The following CACNA2D3 variants were observed in gnomAD, a reference collection of about 807,000 sequenced individuals.
The protein encoded by CACNA2D3 is calcium voltage-gated channel auxiliary subunit alpha2delta 3.
Under a neutral mutation model 160.6 loss-of-function variants are expected in CACNA2D3, and 60 were observed. The observed-to-expected ratio is 0.37, with a 90% CI of 0.30 to 0.46. CACNA2D3 has a LOEUF of 0.46. Ranked by LOEUF, CACNA2D3 falls within the 20% of genes least tolerant of loss-of-function variation. The pLI, the probability that CACNA2D3 is intolerant of heterozygous loss-of-function variation, is 1.00. For synonymous variants in CACNA2D3, 558 were observed against 492.9 expected, an observed-to-expected ratio of 1.13 and a Z score of -1.75; for missense variants, 1,205 against 1,365.0, an observed-to-expected ratio of 0.88 and a Z score of 1.85.
At chr3:54,598,452 A>G (rs535208828) in intron 9 of CACNA2D3, among the ~76,000 whole-genome samples, 55 of 152,222 alleles carry the variant, frequency 3.6e-4, no homozygotes, top group Non-Finnish European at 5.7e-4. Context: ...AGTGCCCAGC[A>G]TCTTAACAAA....
intron 11 of CACNA2D3, among the ~76,000 whole-genome samples, chr3:54,706,930 C>T (rs1236883768): frequency 6.6e-6 from 1 of 152,232 alleles, no homozygotes; most frequent in Non-Finnish European, 1.5e-5. Context: ...ACCTCTGTTT[C>T]TGGCTTCTCC....
chr3:54,156,315 C>G (rs138509316), intron 2 of CACNA2D3, among the ~76,000 whole-genome samples: 10 of 152,318 alleles, frequency 6.6e-5, no homozygotes, highest in African/African-American at 1.2e-4. Flanking sequence ...CTGGGAGCCA[C>G]TGGAGCATAT....
intron 4 of CACNA2D3, among the ~76,000 whole-genome samples, chr3:54,392,808 G>A (rs1201817504): frequency 6.6e-6 from 1 of 152,198 alleles, no homozygotes; most frequent in Non-Finnish European, 1.5e-5. Flanking sequence ...CAGGAAAGGA[G>A]AGAAAGGGCA....
intron 2 of CACNA2D3, among the ~76,000 whole-genome samples, chr3:54,144,663 C>T (rs1699994134): frequency 1.3e-5 from 2 of 152,232 alleles, no homozygotes; most frequent in Admixed American, 6.5e-5. Flanking sequence ...GGTTCAAATA[C>T]TGGCTTTGCT....
chr3:54,301,508 T>C (rs1703476960), intron 2 of CACNA2D3, among the ~76,000 whole-genome samples: 1 of 151,982 alleles, frequency 6.6e-6, no homozygotes, highest in Non-Finnish European at 1.5e-5. Context: ...CATTCAGAGA[T>C]AGGAAAAAGA....
chr3:54,135,366 C>A (rs192977712), intron 2 of CACNA2D3, among the ~76,000 whole-genome samples: 97 of 152,300 alleles, frequency 6.4e-4, no homozygotes, highest in African/African-American at 2.2e-3. Context: ...AGGAGGAAAT[C>A]TTTAAGAGTG....
chr3:54,386,045 T>G (rs1699181728), intron 3 of CACNA2D3: 1 of 461,846 alleles, frequency 2.2e-6, no homozygotes, highest in African/African-American at 2.0e-5. Flanking sequence ...AATGAAGGCA[T>G]TATGAAATGG....
intron 2 of CACNA2D3, among the ~76,000 whole-genome samples, chr3:54,180,733 A>G (rs1313508547): frequency 6.6e-6 from 1 of 152,150 alleles, no homozygotes; most frequent in Non-Finnish European, 1.5e-5. Flanking sequence ...CTCTTGCCCT[A>G]ACAGACCTGG....
At chr3:54,402,088 G>C (rs953036373) in intron 4 of CACNA2D3, among the ~76,000 whole-genome samples, 15 of 152,134 alleles carry the variant, frequency 9.9e-5, no homozygotes, top group African/African-American at 3.1e-4. Context: ...ATGATGTTTT[G>C]CATAAACCAT....
At chr3:54,414,501 A>G (rs941437524) in intron 4 of CACNA2D3, among the ~76,000 whole-genome samples, 2 of 152,098 alleles carry the variant, frequency 1.3e-5, no homozygotes, top group Non-Finnish European at 1.5e-5. Context: ...GCTTCTTCCA[A>G]AGTTGTCTTT....
chr3:54,823,909 A>G (rs1703693851), intron 14 of CACNA2D3, among the ~76,000 whole-genome samples: 1 of 152,222 alleles, frequency 6.6e-6, no homozygotes, highest in African/African-American at 2.4e-5. Flanking sequence ...CATTATTTTT[A>G]TAAGTAAATG....
Position 54,266,249 on chromosome 3 carries a change from A to G in CACNA2D3, c.205-54193A>G, listed in dbSNP as rs116135196. Among the ~76,000 whole-genome samples, 1,500 of 152,266 alleles carry G rather than the reference A, an allele frequency of 9.9e-3. 29 individuals carry two copies. The highest frequency in any genetic ancestry group is 0.034 in the African/African-American group (1,432 of 41,560). ...GGATGTTGGAACATGAGATCTTAGT[A>G]ATGCTTCTTAGAATTGGAGTTGGGT... is the stretch of plus-strand genomic sequence containing the variant. On this transcript the variant is annotated intron_variant, in intron 2 of 37. Transcript: ENST00000474759.
intron 29 of CACNA2D3, among the ~76,000 whole-genome samples, 197 bp from the exon 30 acceptor site, chr3:54,984,411 C>G (rs1483375017): frequency 1.3e-5 from 2 of 151,966 alleles, no homozygotes; most frequent in African/African-American, 4.8e-5. Flanking sequence ...GTTAGTTTTG[C>G]AAAGTAAACA....
intron 2 of CACNA2D3, among the ~76,000 whole-genome samples, chr3:54,144,179 A>G (rs566901361): frequency 5.9e-5 from 9 of 152,348 alleles, no homozygotes; most frequent in African/African-American, 2.2e-4. Flanking sequence ...ACTGTATCTT[A>G]TGAGCATATC....
chr3:54,966,320 A>T (rs1400451810), intron 27 of CACNA2D3, among the ~76,000 whole-genome samples: 4 of 152,100 alleles, frequency 2.6e-5, no homozygotes, highest in Admixed American at 2.6e-4. Context: ...GGAAGATGAG[A>T]TTTATTTGAA....
intron 2 of CACNA2D3, among the ~76,000 whole-genome samples, chr3:54,227,755 C>T (rs1204971487): frequency 2.6e-5 from 4 of 152,060 alleles, no homozygotes; most frequent in Admixed American, 1.3e-4. Context: ...GGTTTCACCT[C>T]GGCCAGGATG....
At chr3:54,371,715 C>T (rs956344736) in intron 3 of CACNA2D3, among the ~76,000 whole-genome samples, 1 of 152,162 alleles carries the variant, frequency 6.6e-6, no homozygotes, top group Non-Finnish European at 1.5e-5. Flanking sequence ...CCAAAGGGCT[C>T]AGAAAACTTT....
At chr3:54,894,777 C>T (rs1238557990) in intron 25 of CACNA2D3, 1 of 425,986 alleles carries the variant, frequency 2.3e-6, no homozygotes, top group African/African-American at 2.0e-5. Context: ...AATGAAAAGG[C>T]TAAAATTTCA....
intron 27 of CACNA2D3, among the ~76,000 whole-genome samples, chr3:54,946,669 G>A (rs1011823390): frequency 2.6e-5 from 4 of 152,096 alleles, no homozygotes; most frequent in Non-Finnish European, 5.9e-5. Flanking sequence ...AACCTGGGGG[G>A]AGCTAGCATT....
Sources: allele counts gnomAD v4.1 joint callset (sites outside exome capture counted in the v4.1 genomes callset), GRCh38; gene constraint gnomAD v4.1.1; transcripts MANE v1.5; gene names NCBI Gene and HGNC (gene_info 2026-07-23, HGNC 2026-07-21).